PDS5A: variants seen among roughly 807,000 people sequenced by gnomAD.
PDS5A encodes the protein PDS5 cohesin associated factor A, also known as sister chromatid cohesion protein PDS5 homolog A.
Under a neutral mutation model 167.1 loss-of-function variants are expected in PDS5A, and 42 were observed. The ratio of observed to expected loss-of-function variants is 0.25; its 90% CI spans 0.20 to 0.33. The LOEUF is 0.33. PDS5A is among the 10% of genes least tolerant of loss of function. The probability of loss-of-function intolerance (pLI) is 1.00; values close to 1 mark genes in which losing one functional copy is unlikely to be tolerated. For synonymous variants in PDS5A, 553 were observed against 554.6 expected (o/e 1.00, Z 0.04); for missense variants, 1,033 against 1,605.9 (o/e 0.64, Z 6.10).
intron 2 of PDS5A, among the ~76,000 whole-genome samples, chr4:39,935,799 C>CATA (rs1726541999): frequency 6.6e-6 from 1 of 152,164 alleles, no homozygotes; most frequent in African/African-American, 2.4e-5. Flanking sequence ...AATGGTACAA[C>CATA]CACTTCAGAT....
At chr4:39,913,580 A>G in intron 9 of PDS5A, 31 bp downstream of exon 9, 1 of 1,224,350 alleles carries the variant, frequency 8.2e-7, no homozygotes, top group Non-Finnish European at 1.2e-6. Flanking sequence ...ATTTTCTAAA[A>G]TATAAACATC....
intron 31 of PDS5A, among the ~76,000 whole-genome samples, chr4:39,840,347 C>G (rs1218276793): frequency 1.3e-5 from 2 of 152,270 alleles, no homozygotes; most frequent in East Asian, 3.9e-4. Context: ...GTTTAAAGAT[C>G]AACAAAGTCG....
chr4:39,974,877 G>A (rs191049836), intron 2 of PDS5A, among the ~76,000 whole-genome samples: 86 of 152,246 alleles, frequency 5.6e-4, no homozygotes, highest in African/African-American at 2.0e-3. Flanking sequence ...TTGGGAGGCC[G>A]ATGCAGGCAG....
chr4:39,920,387 GT>G lies in PDS5A; in HGVS notation c.666del (p.Lys222AsnfsTer11). The G allele has an allele frequency of 6.7e-7, 1 of 1,501,388 alleles. No homozygotes were observed. Among genetic ancestry groups the G allele is most frequent in the Non-Finnish European group, 9.2e-7 (1 of 1,086,888 alleles). 93.0% of individuals were successfully genotyped at this position (1,501,388 alleles called of 1,614,324 possible). On this transcript the variant is annotated frameshift_variant, in exon 7 of 33. Transcript: ENST00000303538. LOFTEE classifies it high-confidence loss of function. ...NLIPAHKNLNKQSFDLAKVLL... is the reference protein window; with the variant it reads ...NLIPAHKNLNXQSFDLAKVLL... ...AGCACTTTTGCAAGGTCAAAGGACT[GT>G]TTATTTAAGTTCTGAAAAATAATAA...
At chr4:39,941,899 T>C (rs1379560360) in intron 2 of PDS5A, among the ~76,000 whole-genome samples, 1 of 152,132 alleles carries the variant, frequency 6.6e-6, no homozygotes, top group African/African-American at 2.4e-5. Context: ...TGCTGCTCCA[T>C]CCTGAACCAC....
chr4:39,967,918 A>G (rs1730137456), intron 2 of PDS5A, among the ~76,000 whole-genome samples: 2 of 152,078 alleles, frequency 1.3e-5, no homozygotes, highest in Non-Finnish European at 2.9e-5. Context: ...CTCCATCTTA[A>G]AAACAAACAA....
chr4:39,879,111 C>T (rs542994729), intron 18 of PDS5A, among the ~76,000 whole-genome samples: 19 of 152,158 alleles, frequency 1.2e-4, no homozygotes, highest in Non-Finnish European at 2.2e-4. Flanking sequence ...ATCCATTGCA[C>T]TGGTTTGTCT....
chr4:39,965,417 A>G (rs1729883494), intron 2 of PDS5A, among the ~76,000 whole-genome samples: 1 of 152,210 alleles, frequency 6.6e-6, no homozygotes, highest in Non-Finnish European at 1.5e-5. Context: ...AGCAGACGCA[A>G]GCTAAACCCT....
intron 14 of PDS5A, among the ~76,000 whole-genome samples, chr4:39,899,775 G>T (rs1722717520): frequency 6.8e-6 from 1 of 147,806 alleles, no homozygotes; most frequent in Non-Finnish European, 1.5e-5. Context: ...CCTCAGCCCA[G>T]TGACATCGAG....
chr4:39,904,222 A>G, intron 11 of PDS5A, 31 bp from the exon 12 acceptor site: 1 of 1,545,568 alleles, frequency 6.5e-7, no homozygotes, highest in African/African-American at 1.4e-5. Flanking sequence ...TAGATGAGCA[A>G]GATAACAAAA....
intron 6 of PDS5A, among the ~76,000 whole-genome samples, chr4:39,920,694 T>C (rs1029730444): frequency 6.6e-6 from 1 of 152,236 alleles, no homozygotes; most frequent in Non-Finnish European, 1.5e-5. Context: ...ACAGACCTAA[T>C]GCTTTTTGGT....
intron 30 of PDS5A, among the ~76,000 whole-genome samples, chr4:39,842,832 ATACTT>A (rs1717147860): frequency 6.7e-6 from 1 of 149,456 alleles, no homozygotes; most frequent in African/African-American, 2.5e-5. Context: ...AATATACTGA[ATACTT>A]AACATGTTAA....
In PDS5A at chr4:39,845,894, A is replaced by G. The variant is rs1043726889; in HGVS notation, c.3340-14T>C. On this transcript the variant is annotated splice_polypyrimidine_tract_variant and intron_variant, in intron 28 of 32. Coordinates refer to ENST00000303538, the MANE Select transcript of PDS5A (RefSeq NM_001100399.2). Reference sequence around the variant, plus strand: ...GTTACAGAAGTCCTATTAAAAAAAAAAAAGAAAAAGAAAAAAGAAACACCA... The same window carrying G: ...GTTACAGAAGTCCTATTAAAAAAAAGAAAGAAAAAGAAAAAAGAAACACCA... 2 of 1,335,394 alleles carry G rather than the reference A, an allele frequency of 1.5e-6. No individual in the cohort carries two copies. Among genetic ancestry groups the G allele is most frequent in the African/African-American group, 1.5e-5 (1 of 65,028 alleles). The allele number at this position is 1,335,394 out of a possible 1,614,324, so 82.7% of individuals were successfully genotyped here.
At chr4:39,956,977 GAC>G (rs1308128434) in intron 2 of PDS5A, among the ~76,000 whole-genome samples, 25 of 152,118 alleles carry the variant, frequency 1.6e-4, no homozygotes, top group African/African-American at 6.0e-4. Context: ...CCAGCCAAAA[GAC>G]ATTTTCTAAA....
Position 39,874,331 on chromosome 4 carries a change from G to A in PDS5A, c.2235C>T (p.Ala745=). The change falls in exon 20 of 33, where the codon GCC becomes GCT. Residue 745 remains alanine, a synonymous_variant. Coordinates refer to ENST00000303538, the MANE Select transcript of PDS5A (RefSeq NM_001100399.2). ...GCTGGACTTCTTTATTTGTGAATAT[G>A]GCGTGTATACAGTGCACAGCCTGTT... ...QAKQAVHCIH[A]IFTNKEVQLA... The A allele has an allele frequency of 6.2e-7, 1 of 1,612,966 alleles. No homozygotes were observed. The highest frequency in any genetic ancestry group is 8.5e-7 in the Non-Finnish European group (1 of 1,179,110).
intron 20 of PDS5A, 35 bp downstream of exon 20, chr4:39,874,254 G>A (rs28546862): frequency 0.042 from 65,992 of 1,562,194 alleles, 2,376 homozygotes; most frequent in East Asian, 0.23. Context: ...AAAAAATAAA[G>A]ACCAATATAA....
chr4:39,955,600 T>TA lies in PDS5A; in HGVS notation c.138+20839dup, dbSNP rs1257434133. ...CGGGTGACAGAGCGAGACTCTGTCATAAAAAAACAACAACAAAACAAACAA... is the reference window on the plus strand; with the variant it reads ...CGGGTGACAGAGCGAGACTCTGTCATAAAAAAAACAACAACAAAACAAACAA... On this transcript the variant is annotated intron_variant, in intron 2 of 32. Transcript: ENST00000303538. Among the ~76,000 whole-genome samples, 22 of 151,340 alleles carry TA rather than the reference T, an allele frequency of 1.5e-4. 1 individual carries two copies. In the South Asian group the frequency reaches 3.6e-3, roughly 24 times the overall value.
intron 11 of PDS5A, among the ~76,000 whole-genome samples, chr4:39,906,872 G>A (rs1578713939): frequency 7.9e-6 from 1 of 126,870 alleles, no homozygotes; most frequent in Non-Finnish European, 1.6e-5. Context: ...ATAAAACTTT[G>A]TTCCTATGTA....
chr4:39,962,744 CAGTGA>C (rs1729609998), intron 2 of PDS5A, among the ~76,000 whole-genome samples: 1 of 152,058 alleles, frequency 6.6e-6, no homozygotes, highest in African/African-American at 2.4e-5. Flanking sequence ...GCGGAGGTTG[CAGTGA>C]ACACACCACT....
Sources: allele counts gnomAD v4.1 joint callset (sites outside exome capture counted in the v4.1 genomes callset), GRCh38; gene constraint gnomAD v4.1.1; transcripts MANE v1.5; gene names NCBI Gene and HGNC (gene_info 2026-07-23, HGNC 2026-07-21).